NFIA: variants seen among roughly 807,000 people sequenced by gnomAD.
NFIA encodes the protein nuclear factor 1 A-type.
Under a neutral mutation model 62.8 loss-of-function variants are expected in NFIA, and 8 were observed. That is an observed-to-expected ratio of 0.13 (90% confidence interval 0.07 to 0.23). NFIA has a LOEUF of 0.23. Among genes scored for constraint, NFIA ranks in the 10% least tolerant of loss-of-function variants. The pLI is 1.00. For missense variants in NFIA, 410 were observed against 642.1 expected, an observed-to-expected ratio of 0.64 and a Z score of 3.91; for synonymous variants, 235 against 238.1, an observed-to-expected ratio of 0.99 and a Z score of 0.12.
At chr1:61,122,270 A>C (rs143514440) in intron 2 of NFIA, among the ~76,000 whole-genome samples, 24 of 152,292 alleles carry the variant, frequency 1.6e-4, no homozygotes, top group African/African-American at 5.1e-4. Flanking sequence ...CACATGTGCA[A>C]ACTAACAAGA....
intron 2 of NFIA, among the ~76,000 whole-genome samples, chr1:61,257,891 T>A (rs1250319786): frequency 6.7e-6 from 1 of 150,056 alleles, no homozygotes; most frequent in Non-Finnish European, 1.5e-5. Context: ...TTTTCTTTTT[T>A]TTTTTTCCTG....
chr1:61,360,977 T>C (rs1279153286), intron 6 of NFIA, among the ~76,000 whole-genome samples: 1 of 138,214 alleles, frequency 7.2e-6, no homozygotes, highest in Non-Finnish European at 1.5e-5. Context: ...TATGAAGCAC[T>C]ATGCCAGGTT....
At chr1:61,426,391 C>A in intron 9 of NFIA, 74 bp from the exon 10 acceptor site, 1 of 988,720 alleles carries the variant, frequency 1.0e-6, no homozygotes, top group East Asian at 2.6e-5. Flanking sequence ...GGCTCGGAGA[C>A]TGTGTGTTTT....
chr1:61,093,812 G>A (rs115680721), intron 2 of NFIA, among the ~76,000 whole-genome samples: 2,042 of 152,266 alleles, frequency 0.013, 46 homozygotes, highest in African/African-American at 0.047. Context: ...AATGCTTCTG[G>A]CTTGGATTTT....
chr1:61,218,615 G>A (rs1401753391), intron 2 of NFIA, among the ~76,000 whole-genome samples: 1 of 152,084 alleles, frequency 6.6e-6, no homozygotes, highest in Non-Finnish European at 1.5e-5. Flanking sequence ...ACTATGTAGG[G>A]ATTTATTCTT....
At chr1:61,279,319 G>C (rs1657996055) in intron 3 of NFIA, among the ~76,000 whole-genome samples, 1 of 151,794 alleles carries the variant, frequency 6.6e-6, no homozygotes, top group Admixed American at 6.6e-5. Context: ...ATTAAATATG[G>C]ACTGCCTGGC....
intron 4 of NFIA, among the ~76,000 whole-genome samples, chr1:61,351,122 G>A (rs1013741735): frequency 8.5e-5 from 13 of 152,146 alleles, no homozygotes; most frequent in Non-Finnish European, 1.8e-4. Flanking sequence ...TTATAAAATA[G>A]GCATATTAAG....
intron 6 of NFIA, among the ~76,000 whole-genome samples, chr1:61,372,238 C>A (rs1386701839): frequency 3.3e-5 from 5 of 152,088 alleles, no homozygotes; most frequent in Admixed American, 6.6e-5. Flanking sequence ...AGAAACCCAA[C>A]AAAGACTATG....
chr1:61,116,177 T>C (rs1646790404), intron 2 of NFIA, among the ~76,000 whole-genome samples: 1 of 152,196 alleles, frequency 6.6e-6, no homozygotes, highest in Admixed American at 6.5e-5. Context: ...AAAATAACCT[T>C]GGAGAAGGAG....
chr1:61,416,233 A>G (rs1161059577), intron 9 of NFIA, among the ~76,000 whole-genome samples: 1 of 152,174 alleles, frequency 6.6e-6, no homozygotes, highest in Admixed American at 6.5e-5. Flanking sequence ...TCCTCCTTTT[A>G]TATCAAATAT....
At chr1:61,409,446 C>A (rs189947069) in intron 9 of NFIA, among the ~76,000 whole-genome samples, 2 of 152,104 alleles carry the variant, frequency 1.3e-5, no homozygotes, top group African/African-American at 4.8e-5. Flanking sequence ...TAATTTATAG[C>A]GTAGGAGAAG....
At chr1:61,107,965 G>T (rs1646632439) in intron 2 of NFIA, among the ~76,000 whole-genome samples, 1 of 151,416 alleles carries the variant, frequency 6.6e-6, no homozygotes, top group South Asian at 2.1e-4. Flanking sequence ...TTTTATATTT[G>T]TGTATGTCTG....
chr1:61,237,231 G>T (rs184653050), intron 2 of NFIA, among the ~76,000 whole-genome samples: 33 of 152,240 alleles, frequency 2.2e-4, no homozygotes, highest in Middle Eastern at 3.4e-3. Flanking sequence ...TAGCCATGTC[G>T]CAAGTCAAAG....
chr1:61,225,557 T>A (rs2100623366), intron 2 of NFIA, among the ~76,000 whole-genome samples: 1 of 150,754 alleles, frequency 6.6e-6, no homozygotes, highest in African/African-American at 2.4e-5. Context: ...CTCGTACTTT[T>A]TTTTTTTTTT....
At chr1:61,278,465 C>T (rs927535479) in intron 3 of NFIA, among the ~76,000 whole-genome samples, 1 of 152,056 alleles carries the variant, frequency 6.6e-6, no homozygotes, top group Admixed American at 6.6e-5. Flanking sequence ...CTTGAAGGGC[C>T]TGTGGGGAGA....
chr1:61,387,242 C>A (rs183722186), intron 7 of NFIA, among the ~76,000 whole-genome samples: 1 of 152,136 alleles, frequency 6.6e-6, no homozygotes, highest in Admixed American at 6.5e-5. Flanking sequence ...GGTTTCTCAT[C>A]TCTAAGTTAG....
chr1:61,390,489 T>G (rs776448152), intron 7 of NFIA, among the ~76,000 whole-genome samples: 1 of 152,138 alleles, frequency 6.6e-6, no homozygotes, highest in Non-Finnish European at 1.5e-5. Context: ...AGTCAGAAGT[T>G]TATATGCTCT....
intron 2 of NFIA, among the ~76,000 whole-genome samples, chr1:61,141,111 A>C (rs570465334): frequency 6.6e-6 from 1 of 152,062 alleles, no homozygotes; most frequent in African/African-American, 2.4e-5. Context: ...AAATTGAAGA[A>C]GAGATTTCTT....
At chr1:61,137,730 G>A (rs770594239) in intron 2 of NFIA, among the ~76,000 whole-genome samples, 26 of 152,116 alleles carry the variant, frequency 1.7e-4, no homozygotes, top group African/African-American at 4.6e-4. Context: ...TACCTCAGGC[G>A]TAGGTGTTTT....
Sources: gnomAD v4.1 joint callset for allele counts (sites outside exome capture counted in the v4.1 genomes callset) on GRCh38, gnomAD v4.1.1 for gene constraint, MANE v1.5 for transcripts, NCBI Gene and HGNC (gene_info 2026-07-23, HGNC 2026-07-21) for gene names.